The following ZFPM2 variants were observed in gnomAD, a reference collection of about 807,000 sequenced individuals.
The protein encoded by ZFPM2 is zinc finger protein ZFPM2.
In ZFPM2, 20 loss-of-function variants were observed where a neutral mutation model predicts 98.6. The ratio of observed to expected loss-of-function variants is 0.20; its 90% CI spans 0.14 to 0.29. The LOEUF (loss-of-function observed/expected upper bound fraction) is 0.29. Ranked by LOEUF, ZFPM2 falls within the 10% of genes least tolerant of loss-of-function variation. The pLI is 1.00. For missense variants in ZFPM2, 1,310 were observed against 1,388.6 expected, an observed-to-expected ratio of 0.94 and a Z score of 0.90; for synonymous variants, 518 against 502.7, an observed-to-expected ratio of 1.03 and a Z score of -0.41.
chr8:105,468,719 G>A (rs1389658765), intron 3 of ZFPM2, among the ~76,000 whole-genome samples: 1 of 152,032 alleles, frequency 6.6e-6, no homozygotes, highest in African/African-American at 2.4e-5. Flanking sequence ...ATGCATATGC[G>A]GCACTGTGCC....
chr8:105,411,778 C>T (rs1811582722), intron 1 of ZFPM2, among the ~76,000 whole-genome samples: 1 of 151,768 alleles, frequency 6.6e-6, no homozygotes, highest in Non-Finnish European at 1.5e-5. Flanking sequence ...CTTCCTGGGT[C>T]AATGCACAAG....
intron 3 of ZFPM2, among the ~76,000 whole-genome samples, chr8:105,526,666 G>T (rs1254185998): frequency 6.6e-6 from 1 of 152,032 alleles, no homozygotes; most frequent in Non-Finnish European, 1.5e-5. Context: ...CACACGGTTG[G>T]GTAAAACGCT....
At chr8:105,356,364 A>G (rs1181808576) in intron 1 of ZFPM2, among the ~76,000 whole-genome samples, 3 of 152,354 alleles carry the variant, frequency 2.0e-5, no homozygotes, top group Non-Finnish European at 2.9e-5. Context: ...TGGCTTGTAC[A>G]TAGTTGGTCC....
In ZFPM2 at chr8:105,628,139, C is replaced by T. The variant is rs149049453; in HGVS notation, c.421-6107C>T. 1.7e-3 allele frequency among the ~76,000 whole-genome samples: 256 copies of T among 152,224 alleles called. 3 individuals are homozygous for T. The highest frequency in any genetic ancestry group is 6.0e-3 in the East Asian group (31 of 5,178). The stretch of plus-strand genomic sequence containing the variant: ...CCTCTGAAATAAAAATTAGCCCCAC[C>T]GTGCTGATGTCCATTCTGAAGTTCA... On this transcript the variant is annotated intron_variant, in intron 4 of 7. Transcript: ENST00000407775.
intron 4 of ZFPM2, among the ~76,000 whole-genome samples, chr8:105,589,644 C>T (rs906459405): frequency 6.6e-6 from 1 of 152,140 alleles, no homozygotes; most frequent in African/African-American, 2.4e-5. Context: ...AAACACATTA[C>T]TTGCTTTCTT....
intron 3 of ZFPM2, among the ~76,000 whole-genome samples, chr8:105,561,006 A>T (rs779167334): frequency 2.0e-5 from 3 of 152,200 alleles, no homozygotes; most frequent in Non-Finnish European, 4.4e-5. Context: ...CAAGAATTTT[A>T]GCACAAAATG....
intron 3 of ZFPM2, among the ~76,000 whole-genome samples, chr8:105,489,433 T>C (rs1440474528): frequency 6.9e-6 from 1 of 144,010 alleles, no homozygotes; most frequent in East Asian, 2.0e-4. Context: ...TATATATATT[T>C]ATAGATATAT....
chr8:105,402,673 C>A (rs1257395123), intron 1 of ZFPM2, among the ~76,000 whole-genome samples: 2 of 151,930 alleles, frequency 1.3e-5, no homozygotes, highest in African/African-American at 4.8e-5. Context: ...TCCCAACAAG[C>A]ATTTAGACTC....
chr8:105,398,199 T>A (rs577145036), intron 1 of ZFPM2, among the ~76,000 whole-genome samples: 1 of 152,194 alleles, frequency 6.6e-6, no homozygotes, highest in Non-Finnish European at 1.5e-5. Context: ...TTTGGTTTTA[T>A]AATCTAAAGT....
intron 1 of ZFPM2, among the ~76,000 whole-genome samples, chr8:105,411,350 TAA>T (rs1252904942): frequency 6.6e-6 from 1 of 151,800 alleles, no homozygotes; most frequent in Non-Finnish European, 1.5e-5. Flanking sequence ...ATCTTGTGAA[TAA>T]AGTTTGTCTC....
chr8:105,564,154 G>A (rs917360762), intron 4 of ZFPM2, among the ~76,000 whole-genome samples: 6 of 151,756 alleles, frequency 4.0e-5, no homozygotes, highest in Admixed American at 3.3e-4. Context: ...GCTATTTTAT[G>A]CCATATTTAA....
intron 5 of ZFPM2, among the ~76,000 whole-genome samples, chr8:105,768,822 T>TACAC (rs113463842): frequency 0.062 from 9,363 of 150,158 alleles, 397 homozygotes; most frequent in Admixed American, 0.11. Flanking sequence ...AACAAATACA[T>TACAC]ACACACACAC....
chr8:105,749,844 A>T (rs1341140071), intron 5 of ZFPM2, among the ~76,000 whole-genome samples: 1 of 151,944 alleles, frequency 6.6e-6, no homozygotes, highest in Non-Finnish European at 1.5e-5. Flanking sequence ...ATCCAGGAAT[A>T]TGCTATTCTG....
chr8:105,320,256 TTGTGTGTGTGTGTG>T (rs71305141), intron 1 of ZFPM2, among the ~76,000 whole-genome samples: 51 of 142,344 alleles, frequency 3.6e-4, no homozygotes, highest in South Asian at 1.7e-3. Flanking sequence ...ATTCAGATCT[TTGTGTGTGTGTGTG>T]TGTGTGTGTG....
chr8:105,697,704 T>A (rs1378630594), intron 5 of ZFPM2, among the ~76,000 whole-genome samples: 1 of 152,180 alleles, frequency 6.6e-6, no homozygotes, highest in Non-Finnish European at 1.5e-5. Context: ...TTCTTAAAAT[T>A]TACATCCTTA....
intron 4 of ZFPM2, among the ~76,000 whole-genome samples, chr8:105,580,004 A>C (rs1296067396): frequency 5.3e-5 from 8 of 152,120 alleles, no homozygotes; most frequent in Non-Finnish European, 1.2e-4. Context: ...CTATCTCTTC[A>C]TCTGGTGTTA....
chr8:105,566,985 T>G (rs576793305), intron 4 of ZFPM2, among the ~76,000 whole-genome samples: 26 of 152,278 alleles, frequency 1.7e-4, no homozygotes, highest in African/African-American at 6.3e-4. Context: ...AAATAATGCA[T>G]GTATCAAATT....
At chr8:105,579,160 G>C (rs888567727) in intron 4 of ZFPM2, among the ~76,000 whole-genome samples, 1 of 148,496 alleles carries the variant, frequency 6.7e-6, no homozygotes, top group Non-Finnish European at 1.5e-5. Context: ...TCAAATTCTT[G>C]TAGTAAACTG....
intron 1 of ZFPM2, among the ~76,000 whole-genome samples, chr8:105,409,515 A>G (rs1322213959): frequency 6.6e-6 from 1 of 151,954 alleles, no homozygotes; most frequent in African/African-American, 2.4e-5. Flanking sequence ...CCTGCCACTT[A>G]TCAGGATTTG....
Sources: allele counts gnomAD v4.1 joint callset (sites outside exome capture counted in the v4.1 genomes callset), GRCh38; gene constraint gnomAD v4.1.1; transcripts MANE v1.5; gene names NCBI Gene and HGNC (gene_info 2026-07-23, HGNC 2026-07-21).